The following ATP10B variants were observed in gnomAD, a reference collection of about 807,000 sequenced individuals.
The protein encoded by ATP10B is phospholipid-transporting ATPase VB.
ATP10B carries 122 observed loss-of-function variants against 141.2 expected under a neutral mutation model. The ratio of observed to expected loss-of-function variants is 0.86; its 90% confidence interval spans 0.75 to 1.00. ATP10B has a LOEUF of 1.00. Ranked by LOEUF, ATP10B falls within the 50% of genes least tolerant of loss-of-function variation. The probability of loss-of-function intolerance (pLI) is 0.00; values close to 1 mark genes in which losing one functional copy is unlikely to be tolerated. For missense variants in ATP10B, 1,876 were observed against 1,825.3 expected (o/e 1.03, Z -0.51); for synonymous variants, 685 against 692.0 (o/e 0.99, Z 0.16).
chr5:160,901,514 C>T, the ATP10B span, among the ~76,000 whole-genome samples: 2 of 152,030 alleles, frequency 1.3e-5, no homozygotes, highest in African/African-American at 4.8e-5. Flanking sequence ...TTGAGGCCTC[C>T]CTAGCTTATG....
intron 18 of ATP10B, among the ~76,000 whole-genome samples, chr5:160,610,683 G>C (rs1295478743): frequency 2.0e-5 from 3 of 152,194 alleles, no homozygotes; most frequent in African/African-American, 7.2e-5. Context: ...CAGATGAAGA[G>C]AAGTTCAAGA....
chr5:160,600,434 TAGCTCTTTGAAGAAAA>T (rs1757038860), intron 21 of ATP10B, among the ~76,000 whole-genome samples: 4 of 152,356 alleles, frequency 2.6e-5, no homozygotes, highest in Admixed American at 2.6e-4. Flanking sequence ...ATTTATTATC[TAGCTCTTTGAAGAAAA>T]AGCTTCCTGA....
rs775741828 is a variant in ATP10B, at chr5:160,640,517, A to G, written c.944T>C (p.Ile315Thr). The G allele has an allele frequency of 3.5e-5, 57 of 1,614,004 alleles. No individual in the cohort carries two copies. Among genetic ancestry groups the G allele is most frequent in the Non-Finnish European group, 4.3e-5 (51 of 1,179,978 alleles). ...GATCCCAATGCAGAAGAAGATGTCT[A>G]TATTCATGCGCCGCTCAATCTTGCT... ...KRSKIERRMNIDIFFCIGILI... is the reference protein window; with the variant it reads ...KRSKIERRMNTDIFFCIGILI... Residue 315 changes from isoleucine to threonine, a missense_variant, in exon 10 of 26, where the codon ATA becomes ACA. Physicochemically the swap from Ile to Thr is moderately conservative, Grantham distance 89 (BLOSUM62 -1). Coordinates refer to ENST00000327245, the MANE Select transcript of ATP10B (RefSeq NM_025153.3).
At chr5:160,857,293 A>AT in the ATP10B span, among the ~76,000 whole-genome samples, 520 of 145,074 alleles carry the variant, frequency 3.6e-3, 1 homozygote, top group African/African-American at 9.7e-3. Flanking sequence ...GGTAGTTTGT[A>AT]TTTTTTTTTT....
intron 1 of ATP10B, among the ~76,000 whole-genome samples, chr5:160,808,239 G>GA (rs1283895421): frequency 1.3e-5 from 2 of 152,036 alleles, no homozygotes; most frequent in Non-Finnish European, 2.9e-5. Context: ...GTTTGTGTAA[G>GA]AAAAAAAGAA....
chr5:160,711,818 A>G (rs1765384405), intron 3 of ATP10B, among the ~76,000 whole-genome samples: 1 of 42,698 alleles, frequency 2.3e-5, no homozygotes, highest in Non-Finnish European at 4.5e-5. Flanking sequence ...AGTTTTTAGC[A>G]TGAAGGGTTG....
Position 160,602,452 on chromosome 5 carries a change from C to G in ATP10B, c.3363+125G>C. 5 of 1,289,718 alleles carry G rather than the reference C, an allele frequency of 3.9e-6. No individual in the cohort carries two copies. In the South Asian group the frequency reaches 7.0e-5, roughly 18 times the overall value. 79.9% of individuals were successfully genotyped at this position (1,289,718 alleles called of 1,614,324 possible). On this transcript the variant is annotated intron_variant, in intron 21 of 25. Coordinates refer to ENST00000327245, the MANE Select transcript of ATP10B (RefSeq NM_025153.3). ...AGCTATTAAGGAACAGTTTCAAGAT[C>G]TAACACTATGCCAGCCTGACTCCTT...
chr5:160,813,752 C>T (rs1367071822), intron 1 of ATP10B, among the ~76,000 whole-genome samples: 3 of 152,168 alleles, frequency 2.0e-5, no homozygotes, highest in African/African-American at 4.8e-5. Context: ...CAGACTGACA[C>T]CTCACACGGC....
chr5:160,732,708 T>A (rs1006701022), intron 2 of ATP10B, among the ~76,000 whole-genome samples: 1 of 152,248 alleles, frequency 6.6e-6, no homozygotes, highest in Non-Finnish European at 1.5e-5. Context: ...AGCTTTGTAG[T>A]ATATTTTGAA....
At chr5:160,733,921 T>C (rs1010200335) in intron 2 of ATP10B, among the ~76,000 whole-genome samples, 1 of 151,640 alleles carries the variant, frequency 6.6e-6, no homozygotes, top group African/African-American at 2.4e-5. Context: ...CTGGACAACA[T>C]GGTGAAACCC....
At chr5:160,838,191 T>A (rs1775582161) in intron 1 of ATP10B, among the ~76,000 whole-genome samples, 1 of 152,194 alleles carries the variant, frequency 6.6e-6, no homozygotes, top group Non-Finnish European at 1.5e-5. Context: ...GTGCTAGACT[T>A]CCATTCTGTA....
intron 1 of ATP10B, among the ~76,000 whole-genome samples, chr5:160,798,744 A>ATTTT (rs35866347): frequency 9.8e-5 from 10 of 102,490 alleles, no homozygotes; most frequent in South Asian, 3.3e-4. Context: ...CTTTTTCTCT[A>ATTTT]TTTTTTTTTT....
chr5:160,576,999 C>T (rs553750600), intron 24 of ATP10B, among the ~76,000 whole-genome samples: 2 of 152,290 alleles, frequency 1.3e-5, no homozygotes, highest in Non-Finnish European at 2.9e-5. Flanking sequence ...GTCCAAACAC[C>T]TCAGCTGGAA....
the ATP10B span, among the ~76,000 whole-genome samples, chr5:160,887,418 G>A: frequency 6.6e-6 from 1 of 152,026 alleles, no homozygotes; most frequent in African/African-American, 2.4e-5. Flanking sequence ...TTATATCCAT[G>A]GTTGCTTGAA....
chr5:160,887,819 G>A, the ATP10B span, among the ~76,000 whole-genome samples: 1 of 152,096 alleles, frequency 6.6e-6, no homozygotes, highest in Admixed American at 6.6e-5. Flanking sequence ...GACACCCTAT[G>A]TACAAGCACA....
rs556702658 is a variant in ATP10B at position 160,789,612 on chromosome 5, G to A, written c.-575-3809C>T. 1.6e-3 allele frequency among the ~76,000 whole-genome samples: 238 copies of A among 152,270 alleles called. 2 individuals carry two copies. The highest frequency in any genetic ancestry group is 2.9e-3 in the Non-Finnish European group (198 of 68,018). ...AAATGTCATTTTGTGGCACATGACT[G>A]TACTGCTAGGCACTGTGCTAAGCAC... On this transcript the variant is annotated intron_variant, in intron 1 of 25. Transcript: ENST00000327245.
At chr5:160,744,502 C>A (rs1767677258) in intron 2 of ATP10B, among the ~76,000 whole-genome samples, 1 of 152,072 alleles carries the variant, frequency 6.6e-6, no homozygotes, top group Non-Finnish European at 1.5e-5. Flanking sequence ...AGGCAGCGGG[C>A]CCCAGATTCC....
chr5:160,880,135 AATAG>A, the ATP10B span, among the ~76,000 whole-genome samples: 16 of 147,710 alleles, frequency 1.1e-4, no homozygotes, highest in Admixed American at 1.0e-3. Context: ...GAAATTATAT[AATAG>A]ATTACATAAT....
At chr5:160,652,846 A>T (rs547279890) in intron 7 of ATP10B, among the ~76,000 whole-genome samples, 1,820 of 97,596 alleles carry the variant, frequency 0.019, 239 homozygotes, top group African/African-American at 0.08. Context: ...ATATATTATA[A>T]AAAGATTATA....
Sources: allele counts gnomAD v4.1 joint callset (sites outside exome capture counted in the v4.1 genomes callset), GRCh38; gene constraint gnomAD v4.1.1; transcripts MANE v1.5; gene names NCBI Gene and HGNC (gene_info 2026-07-23, HGNC 2026-07-21).